Variants in NFIA observed in about 807,000 individuals in gnomAD.
The protein encoded by NFIA is nuclear factor 1 A-type.
A neutral mutation model predicts 62.8 loss-of-function variants in NFIA; 8 were observed. The ratio of observed to expected loss-of-function variants is 0.13; its 90% CI spans 0.07 to 0.23. NFIA has a LOEUF of 0.23. Ranked by LOEUF, NFIA falls within the 10% of genes least tolerant of loss-of-function variation. The pLI, the probability that NFIA is intolerant of heterozygous loss-of-function variation, is 1.00. For missense variants in NFIA, 410 were observed against 642.1 expected (o/e 0.64, Z 3.91); for synonymous variants, 235 against 238.1 (o/e 0.99, Z 0.12).
chr1:61,115,514 G>T (rs766549971), intron 2 of NFIA, among the ~76,000 whole-genome samples: 11 of 152,248 alleles, frequency 7.2e-5, no homozygotes, highest in Non-Finnish European at 1.2e-4. Context: ...TTCTGTGAAG[G>T]AGATGACCTA....
rs111245804 is a variant in NFIA, at chr1:61,196,586, AT to A, written c.560-80925del. Among the ~76,000 whole-genome samples, 29 of 151,274 alleles carry A rather than the reference AT, an allele frequency of 1.9e-4. 1 individual carries two copies. Among genetic ancestry groups the A allele is most frequent in the East Asian group, 1.2e-3 (6 of 5,164 alleles). ...GCTAATATATAGGAGACTATATATT[AT>A]TTTTTTTTGTATCAGCATGTTTAAT... On this transcript the variant is annotated intron_variant, in intron 2 of 10. Transcript: ENST00000403491.
chr1:61,093,534 A>G (rs1359912581), intron 2 of NFIA, among the ~76,000 whole-genome samples: 1 of 152,236 alleles, frequency 6.6e-6, no homozygotes, highest in East Asian at 1.9e-4. Flanking sequence ...ATTCTTCAAA[A>G]AAGATAGCAG....
chr1:61,305,886 C>T (rs914374037), intron 3 of NFIA, among the ~76,000 whole-genome samples: 3 of 146,042 alleles, frequency 2.1e-5, no homozygotes, highest in Admixed American at 6.9e-5. Context: ...CTCACTCTGT[C>T]GCCCAGGCCG....
chr1:61,230,873 C>T (rs1471186012), intron 2 of NFIA, among the ~76,000 whole-genome samples: 2 of 152,228 alleles, frequency 1.3e-5, no homozygotes, highest in Non-Finnish European at 2.9e-5. Context: ...CTACAGGACA[C>T]TCTCCATCTA....
chr1:61,290,847 T>C (rs1294483776), intron 3 of NFIA, among the ~76,000 whole-genome samples: 1 of 152,190 alleles, frequency 6.6e-6, no homozygotes, highest in Non-Finnish European at 1.5e-5. Context: ...TTTCCCCTTA[T>C]ATAAAGCTGC....
At chr1:61,171,640 G>A (rs1429396497) in intron 2 of NFIA, among the ~76,000 whole-genome samples, 3 of 152,188 alleles carry the variant, frequency 2.0e-5, no homozygotes, top group African/African-American at 7.2e-5. Context: ...ATGGCCTGCT[G>A]ATCTAATCTG....
chr1:61,224,075 C>A (rs1654177758), intron 2 of NFIA, among the ~76,000 whole-genome samples: 1 of 151,856 alleles, frequency 6.6e-6, no homozygotes, highest in South Asian at 2.1e-4. Context: ...TATTGAGATA[C>A]ATACAGTAAG....
At chr1:61,134,550 A>G (rs754961154) in intron 2 of NFIA, among the ~76,000 whole-genome samples, 1 of 152,204 alleles carries the variant, frequency 6.6e-6, no homozygotes. Context: ...TATACAGGCT[A>G]TAACATATGA....
intron 2 of NFIA, among the ~76,000 whole-genome samples, chr1:61,193,324 T>A (rs1651770607): frequency 6.6e-6 from 1 of 152,244 alleles, no homozygotes; most frequent in South Asian, 2.1e-4. Context: ...TTTTGATCAC[T>A]GAATACTACA....
chr1:61,089,947 A>T (rs906559287), intron 2 of NFIA, among the ~76,000 whole-genome samples: 2 of 152,100 alleles, frequency 1.3e-5, no homozygotes, highest in African/African-American at 2.4e-5. Context: ...TTGGCAGGGG[A>T]TAGATGAGTA....
intron 9 of NFIA, among the ~76,000 whole-genome samples, chr1:61,425,472 G>A (rs1666824028): frequency 6.6e-6 from 1 of 152,194 alleles, no homozygotes; most frequent in African/African-American, 2.4e-5. Context: ...TGTGTCTGGA[G>A]TTAGTTTAAA....
At chr1:61,445,546 A>G (rs1667770631) in intron 10 of NFIA, among the ~76,000 whole-genome samples, 1 of 152,246 alleles carries the variant, frequency 6.6e-6, no homozygotes, top group South Asian at 2.1e-4. Flanking sequence ...CGTCTTAACA[A>G]AGACAAGTTT....
At chr1:61,219,002 C>T (rs1164987787) in intron 2 of NFIA, among the ~76,000 whole-genome samples, 3 of 152,134 alleles carry the variant, frequency 2.0e-5, no homozygotes, top group South Asian at 2.1e-4. Context: ...GAGGCCGAGG[C>T]GGGCATATCA....
intron 3 of NFIA, among the ~76,000 whole-genome samples, chr1:61,305,504 A>G (rs1285312052): frequency 2.6e-5 from 4 of 152,216 alleles, no homozygotes; most frequent in Admixed American, 6.5e-5. Flanking sequence ...GACTCTACAT[A>G]GCTGTGGTGG....
chr1:61,340,154 C>G (rs74086742), intron 4 of NFIA, among the ~76,000 whole-genome samples: 1 of 151,968 alleles, frequency 6.6e-6, no homozygotes, highest in African/African-American at 2.4e-5. Flanking sequence ...GATAAATTTA[C>G]CAGACTATGA....
At chr1:61,150,730 A>G (rs192035292) in intron 2 of NFIA, among the ~76,000 whole-genome samples, 11 of 152,310 alleles carry the variant, frequency 7.2e-5, no homozygotes, top group African/African-American at 2.2e-4. Context: ...TTTCTTCTCA[A>G]AGAGCCCGAT....
chr1:61,149,862 T>G (rs1648277185), intron 2 of NFIA, among the ~76,000 whole-genome samples: 1 of 152,192 alleles, frequency 6.6e-6, no homozygotes, highest in Non-Finnish European at 1.5e-5. Flanking sequence ...CCACTGTTAC[T>G]GCAATGAGCC....
intron 2 of NFIA, among the ~76,000 whole-genome samples, chr1:61,237,376 G>GTC (rs1655071388): frequency 2.0e-5 from 3 of 152,256 alleles, no homozygotes; most frequent in Admixed American, 6.5e-5. Flanking sequence ...TTAAACAGAA[G>GTC]GTAATATGAG....
chr1:61,286,433 A>G (rs1658505533), intron 3 of NFIA, among the ~76,000 whole-genome samples: 1 of 151,786 alleles, frequency 6.6e-6, no homozygotes, highest in Non-Finnish European at 1.5e-5. Context: ...GTCTCAAAAA[A>G]AAAAAAAAAA....
Sources: allele counts gnomAD v4.1 joint callset (sites outside exome capture counted in the v4.1 genomes callset), GRCh38; gene constraint gnomAD v4.1.1; transcripts MANE v1.5; gene names NCBI Gene and HGNC (gene_info 2026-07-23, HGNC 2026-07-21).